HEPACAM2: variants seen among roughly 807,000 people sequenced by gnomAD.
The protein encoded by HEPACAM2 is HEPACAM family member 2, also known as mitotic kinetics regulator.
Under a neutral mutation model 49.6 loss-of-function variants are expected in HEPACAM2, and 49 were observed. The observed-to-expected ratio is 0.99, with a 90% CI of 0.78 to 1.25. The LOEUF is 1.25. HEPACAM2 is among the 50% of genes most tolerant of loss of function. The probability of loss-of-function intolerance (pLI) is 0.00; values close to 1 mark genes in which losing one functional copy is unlikely to be tolerated. For missense variants in HEPACAM2, 525 were observed against 557.2 expected (o/e 0.94, Z 0.58); for synonymous variants, 197 against 202.9 (o/e 0.97, Z 0.25).
chr7:93,230,716 A>G (rs935910701), upstream of HEPACAM2, among the ~76,000 whole-genome samples: 2 of 152,236 alleles, frequency 1.3e-5, no homozygotes, highest in African/African-American at 4.8e-5. Flanking sequence ...GAACAGTCTG[A>G]CAATTAAGAT....
intron 3 of HEPACAM2, among the ~76,000 whole-genome samples, chr7:93,213,598 A>C (rs1447130769): frequency 6.6e-6 from 1 of 152,100 alleles, no homozygotes; most frequent in Non-Finnish European, 1.5e-5. Context: ...AATCTGTTCC[A>C]TTTTAGTTAA....
chr7:93,220,066 G>A (rs995125882), intron 1 of HEPACAM2, among the ~76,000 whole-genome samples: 15 of 152,166 alleles, frequency 9.9e-5, no homozygotes, highest in Admixed American at 7.9e-4. Context: ...TACAGATGGA[G>A]CACAGTGGAG....
chr7:93,208,812 AAC>A lies in HEPACAM2; in HGVS notation c.778_779del (p.Val260Ter). On this transcript the variant is annotated frameshift_variant, in exon 4 of 10. Transcript: ENST00000394468. LOFTEE classifies it high-confidence loss of function. Reference protein sequence around the residue: ...KGLKVGEVFTVDLGEAILFDC... With the variant: ...KGLKVGEVFTXDLGEAILFDC... The stretch of plus-strand genomic sequence containing the variant: ...CAAATAGGATGGCCTCTCCAAGGTC[AAC>A]AGTAAACACTTCCCCTACTTTTAGC... 1 of 1,612,942 alleles carries A rather than the reference AAC, an allele frequency of 6.2e-7. No homozygotes were observed. The highest frequency in any genetic ancestry group is 8.5e-7 in the Non-Finnish European group (1 of 1,179,286).
intron 4 of HEPACAM2, among the ~76,000 whole-genome samples, chr7:93,204,679 C>T (rs552145578): frequency 1.3e-5 from 2 of 152,156 alleles, no homozygotes; most frequent in Admixed American, 1.3e-4. Flanking sequence ...TGAGAAAGTA[C>T]ACGTACATAG....
chr7:93,225,098 A>G (rs1420247692), intron 1 of HEPACAM2, among the ~76,000 whole-genome samples: 1 of 152,230 alleles, frequency 6.6e-6, no homozygotes, highest in East Asian at 1.9e-4. Flanking sequence ...GAATTCCTTA[A>G]CTAAATTGTC....
At chr7:93,201,754 T>C (rs1028383332) in intron 4 of HEPACAM2, among the ~76,000 whole-genome samples, 3 of 152,088 alleles carry the variant, frequency 2.0e-5, no homozygotes, top group African/African-American at 4.8e-5. Flanking sequence ...TCTCTGTATA[T>C]GATGTCATCT....
At chr7:93,229,527 C>T (rs1036988405), upstream of HEPACAM2, among the ~76,000 whole-genome samples, 10 of 152,242 alleles carry the variant, frequency 6.6e-5, no homozygotes, top group African/African-American at 2.4e-4. Flanking sequence ...TTTAAGCTTC[C>T]AGACATTCCT....
upstream of HEPACAM2, among the ~76,000 whole-genome samples, chr7:93,229,983 T>C (rs1170634030): frequency 6.6e-6 from 1 of 152,224 alleles, no homozygotes; most frequent in Non-Finnish European, 1.5e-5. Flanking sequence ...TTTACAAGCT[T>C]TCAATATTAT....
intron 4 of HEPACAM2, among the ~76,000 whole-genome samples, chr7:93,206,768 C>A (rs991677081): frequency 2.0e-5 from 3 of 151,980 alleles, no homozygotes; most frequent in South Asian, 2.1e-4. Context: ...TATGAAAAAA[C>A]CCCCACCATG....
At chr7:93,202,750 A>G (rs1221558926) in intron 4 of HEPACAM2, among the ~76,000 whole-genome samples, 2 of 152,048 alleles carry the variant, frequency 1.3e-5, no homozygotes, top group African/African-American at 4.8e-5. Flanking sequence ...AATAATTACT[A>G]TTTCCAAGCA....
intron 4 of HEPACAM2, among the ~76,000 whole-genome samples, chr7:93,206,885 A>G (rs1794042959): frequency 6.6e-6 from 1 of 152,118 alleles, no homozygotes; most frequent in Non-Finnish European, 1.5e-5. Flanking sequence ...GGTTTGCGAT[A>G]GTCTTATAAT....
intron 4 of HEPACAM2, among the ~76,000 whole-genome samples, chr7:93,207,467 G>A (rs927160131): frequency 6.6e-6 from 1 of 151,844 alleles, no homozygotes; most frequent in Non-Finnish European, 1.5e-5. Flanking sequence ...AGTAGGGAGG[G>A]AAAGGGAAGG....
chr7:93,228,412 C>T (rs1391219922), upstream of HEPACAM2, among the ~76,000 whole-genome samples: 1 of 151,988 alleles, frequency 6.6e-6, no homozygotes, highest in Non-Finnish European at 1.5e-5. Flanking sequence ...CTGGGATAAT[C>T]ATGACAAAGC....
chr7:93,202,423 C>G (rs1214889370), intron 4 of HEPACAM2, among the ~76,000 whole-genome samples: 1 of 151,868 alleles, frequency 6.6e-6, no homozygotes, highest in East Asian at 1.9e-4. Context: ...AGGTTTTTTT[C>G]TGACTGCAAG....
At chr7:93,202,034 A>AC (rs1793904095) in intron 4 of HEPACAM2, among the ~76,000 whole-genome samples, 5 of 3,282 alleles carry the variant, frequency 1.5e-3, no homozygotes, top group East Asian at 4.8e-3. Flanking sequence ...AAAAAAACCA[A>AC]AAAAAAAAAA....
At chr7:93,208,431 G>A in intron 4 of HEPACAM2, 149 bp downstream of exon 4, 1 of 653,672 alleles carries the variant, frequency 1.5e-6, no homozygotes, top group Non-Finnish European at 2.4e-6. Context: ...AGAAACCATG[G>A]CTTAGTTAAC....
chr7:93,205,654 T>C (rs1794008876), intron 4 of HEPACAM2: 1 of 152,154 alleles, frequency 6.6e-6, no homozygotes, highest in African/African-American at 2.4e-5. Context: ...GCTCAACTGA[T>C]ACTTGCAAGT....
intron 3 of HEPACAM2, among the ~76,000 whole-genome samples, chr7:93,214,862 C>T (rs1240168339): frequency 6.6e-6 from 1 of 152,052 alleles, no homozygotes; most frequent in African/African-American, 2.4e-5. Context: ...CCTATAATTG[C>T]TTAAGTAAAT....
chr7:93,205,917 T>C (rs761871817), intron 4 of HEPACAM2, among the ~76,000 whole-genome samples: 2 of 152,132 alleles, frequency 1.3e-5, no homozygotes, highest in East Asian at 3.9e-4. Flanking sequence ...GCTCTTCTTA[T>C]TTACTATAAT....
Sources: allele counts gnomAD v4.1 joint callset (sites outside exome capture counted in the v4.1 genomes callset), GRCh38; gene constraint gnomAD v4.1.1; transcripts MANE v1.5; gene names NCBI Gene and HGNC (gene_info 2026-07-23, HGNC 2026-07-21).